The following DPH6 variants were observed in gnomAD, a reference collection of about 807,000 sequenced individuals.
DPH6 encodes the protein diphthine--ammonia ligase.
In DPH6, 33 loss-of-function variants were observed where a neutral mutation model predicts 38.2. That is an observed-to-expected ratio of 0.86 (90% CI 0.65 to 1.15). The LOEUF (loss-of-function observed/expected upper bound fraction) is 1.15. Ranked by LOEUF, DPH6 falls within the 50% of genes most tolerant of loss-of-function variation. DPH6 has a pLI of 0.00. For synonymous variants in DPH6, 108 were observed against 103.0 expected, an observed-to-expected ratio of 1.05 and a Z score of -0.30; for missense variants, 325 against 320.0, an observed-to-expected ratio of 1.02 and a Z score of -0.12.
At chr15:35,413,692 T>C (rs750381248) in intron 5 of DPH6, among the ~76,000 whole-genome samples, 13 of 151,634 alleles carry the variant, frequency 8.6e-5, no homozygotes, top group African/African-American at 2.2e-4. Context: ...CCACATATAA[T>C]TGGATTTCTT....
the DPH6 span, among the ~76,000 whole-genome samples, chr15:35,189,567 CT>C: frequency 2.0e-5 from 3 of 152,202 alleles, no homozygotes; most frequent in Admixed American, 6.5e-5. Flanking sequence ...GTTTTCACTT[CT>C]CCATTGCATT....
At chr15:35,350,177 A>G (rs1254433385) in intron 3 of DPH6, among the ~76,000 whole-genome samples, 1 of 152,136 alleles carries the variant, frequency 6.6e-6, no homozygotes, top group African/African-American at 2.4e-5. Context: ...AGGCTTGGTA[A>G]ATTCCTAGGA....
chr15:35,352,912 T>C (rs2052527861), intron 3 of DPH6, among the ~76,000 whole-genome samples: 1 of 152,206 alleles, frequency 6.6e-6, no homozygotes, highest in Non-Finnish European at 1.5e-5. Flanking sequence ...GTAAAAGTGT[T>C]CCTATTTCTC....
chr15:35,351,332 T>G (rs1395699895), intron 3 of DPH6, among the ~76,000 whole-genome samples: 1 of 152,176 alleles, frequency 6.6e-6, no homozygotes, highest in Non-Finnish European at 1.5e-5. Flanking sequence ...TATAGTTGGA[T>G]TGTGTTGTTT....
intron 5 of DPH6, among the ~76,000 whole-genome samples, chr15:35,419,068 TACACACAC>T (rs145718698): frequency 2.1e-5 from 3 of 144,948 alleles, no homozygotes; most frequent in Non-Finnish European, 4.6e-5. Context: ...CACACACACA[TACACACAC>T]ACACACACAC....
chr15:35,181,497 T>C, the DPH6 span, among the ~76,000 whole-genome samples: 1 of 149,752 alleles, frequency 6.7e-6, no homozygotes, highest in Admixed American at 6.8e-5. Context: ...AAAAAAATTA[T>C]CTTTTAATAG....
the DPH6 span, among the ~76,000 whole-genome samples, chr15:35,182,441 T>C: frequency 6.6e-6 from 1 of 152,108 alleles, no homozygotes; most frequent in East Asian, 1.9e-4. Flanking sequence ...AGGGTGATGA[T>C]GATAATGGTG....
chr15:35,440,978 A>G (rs910720948), intron 5 of DPH6, among the ~76,000 whole-genome samples: 1 of 152,216 alleles, frequency 6.6e-6, no homozygotes, highest in Admixed American at 6.5e-5. Context: ...AAACAACCCA[A>G]TCAAAAAGTG....
intron 3 of DPH6, among the ~76,000 whole-genome samples, chr15:35,499,764 G>A (rs189886698): frequency 3.3e-5 from 5 of 152,158 alleles, no homozygotes; most frequent in East Asian, 1.9e-4. Context: ...TTACTTTATC[G>A]CTTTCTGGCC....
chr15:35,242,559 A>G (rs1415368127), intron 3 of DPH6, among the ~76,000 whole-genome samples: 2 of 143,570 alleles, frequency 1.4e-5, no homozygotes, highest in African/African-American at 2.5e-5. Flanking sequence ...ATAACAGACC[A>G]GCTTTTATTA....
chr15:35,514,808 A>T (rs184105191), intron 3 of DPH6, among the ~76,000 whole-genome samples: 7 of 152,348 alleles, frequency 4.6e-5, no homozygotes, highest in African/African-American at 1.4e-4. Flanking sequence ...GTGAAGAATT[A>T]TAAGTCCCCA....
intron 3 of DPH6, among the ~76,000 whole-genome samples, chr15:35,303,236 A>G (rs1286064231): frequency 6.6e-6 from 1 of 151,994 alleles, no homozygotes; most frequent in Non-Finnish European, 1.5e-5. Flanking sequence ...TCCATCTTTA[A>G]TATTTGAACT....
At chr15:35,488,563 C>A (rs1335348460) in intron 3 of DPH6, among the ~76,000 whole-genome samples, 1 of 152,072 alleles carries the variant, frequency 6.6e-6, no homozygotes, top group African/African-American at 2.4e-5. Flanking sequence ...CTCAGTGTTA[C>A]AAGAACAGCA....
intron 3 of DPH6, among the ~76,000 whole-genome samples, chr15:35,244,646 C>A (rs2051623714): frequency 6.6e-6 from 1 of 152,150 alleles, no homozygotes; most frequent in African/African-American, 2.4e-5. Context: ...TCCCATATAT[C>A]CAGAAGAGTA....
chr15:35,533,177 C>T (rs1418261159), intron 3 of DPH6, among the ~76,000 whole-genome samples: 2 of 151,886 alleles, frequency 1.3e-5, no homozygotes, highest in East Asian at 3.9e-4. Context: ...AAACATGTTA[C>T]TCTTTGTCCC....
chr15:35,449,517 G>A (rs765032507), intron 5 of DPH6, among the ~76,000 whole-genome samples: 28 of 152,036 alleles, frequency 1.8e-4, no homozygotes, highest in Non-Finnish European at 3.1e-4. Flanking sequence ...TCAGTGAGAC[G>A]TCACGTGAAC....
the DPH6 span, among the ~76,000 whole-genome samples, chr15:35,190,642 C>A: frequency 6.6e-6 from 1 of 152,174 alleles, no homozygotes; most frequent in Admixed American, 6.5e-5. Context: ...GACTCCTTAA[C>A]CATAACTTCC....
At chr15:35,350,830 G>T (rs2052504395) in intron 3 of DPH6, among the ~76,000 whole-genome samples, 1 of 152,100 alleles carries the variant, frequency 6.6e-6, no homozygotes, top group Admixed American at 6.6e-5. Flanking sequence ...AATTTGTTAA[G>T]ACCTGTTTTG....
chr15:35,394,515 T>G (rs1737599731), intron 6 of DPH6, among the ~76,000 whole-genome samples: 1 of 152,208 alleles, frequency 6.6e-6, no homozygotes, highest in African/African-American at 2.4e-5. Flanking sequence ...AAGCACTTAA[T>G]AAAAACACAA....
Sources: gnomAD v4.1 joint callset for allele counts (sites outside exome capture counted in the v4.1 genomes callset) on GRCh38, gnomAD v4.1.1 for gene constraint, MANE v1.5 for transcripts, NCBI Gene and HGNC (gene_info 2026-07-23, HGNC 2026-07-21) for gene names.